RPS6KA2: variants seen among roughly 807,000 people sequenced by gnomAD.
RPS6KA2 encodes ribosomal protein S6 kinase A2, also known as ribosomal protein S6 kinase alpha-2.
A neutral mutation model predicts 91.8 loss-of-function variants in RPS6KA2; 42 were observed. That is an observed-to-expected ratio of 0.46 (90% CI 0.36 to 0.59). The LOEUF (loss-of-function observed/expected upper bound fraction) is 0.59. Among genes scored for constraint, RPS6KA2 ranks in the 20% least tolerant of loss-of-function variants. RPS6KA2 has a pLI of 0.00. For synonymous variants in RPS6KA2, 414 were observed against 393.6 expected, an observed-to-expected ratio of 1.05 and a Z score of -0.61; for missense variants, 798 against 978.5, an observed-to-expected ratio of 0.82 and a Z score of 2.46.
rs776635505 is a variant in RPS6KA2 at position 166,498,516 on chromosome 6, C to T, written c.739G>A (p.Val247Met). ...GGTCGGGGCAGGCTCACCATGAGCA[C>T]GCCGAAGGACCACCAGTCGGCACTC... is the stretch of plus-strand genomic sequence containing the variant. ...TQSADWWSFG[V>M]LMFEMLTGSL... is the part of the protein sequence containing the mutation. The change falls in exon 8 of 21, where the codon GTG becomes ATG. Residue 247 changes from valine to methionine, a missense_variant. Physicochemically the swap from Val to Met is conservative, Grantham distance 21 (BLOSUM62 1). Transcript: ENST00000265678. The T allele has an allele frequency of 5.6e-6, 9 of 1,609,860 alleles. No individual in the cohort carries two copies. Among genetic ancestry groups the T allele is most frequent in the East Asian group, 4.5e-5 (2 of 44,816 alleles).
chr6:166,745,694 G>GC (rs141608476), intron 2 of RPS6KA2, among the ~76,000 whole-genome samples: 4,249 of 152,286 alleles, frequency 0.028, 194 homozygotes, highest in African/African-American at 0.098. Context: ...TGACAACAGT[G>GC]CCTGGGCGCT....
chr6:166,703,198 G>A (rs117037637), intron 2 of RPS6KA2, among the ~76,000 whole-genome samples: 4,560 of 152,244 alleles, frequency 0.03, 90 homozygotes, highest in Admixed American at 0.038. Context: ...TATTAGCTGC[G>A]GAATGCTTAT....
chr6:166,840,613 T>C (rs9348191), intron 2 of RPS6KA2, among the ~76,000 whole-genome samples: 83,855 of 152,032 alleles, frequency 0.55, 24,681 homozygotes, highest in Middle Eastern at 0.73. Context: ...TGCCAGTGAG[T>C]TGTGTCCTGA....
chr6:166,686,741 G>A (rs1293678441), intron 2 of RPS6KA2, among the ~76,000 whole-genome samples: 4 of 152,192 alleles, frequency 2.6e-5, no homozygotes, highest in Admixed American at 2.6e-4. Context: ...TTTTAACTGT[G>A]CTATGTTTTG....
intron 1 of RPS6KA2, among the ~76,000 whole-genome samples, chr6:166,571,117 G>T (rs761024696): frequency 2.6e-5 from 4 of 152,330 alleles, no homozygotes; most frequent in Non-Finnish European, 4.4e-5. Flanking sequence ...GACCGATGAG[G>T]CCGGCCCCGC....
At chr6:166,538,526 A>T (rs567070691) in intron 2 of RPS6KA2, 142 bp downstream of exon 2, 79 of 519,556 alleles carry the variant, frequency 1.5e-4, no homozygotes, top group African/African-American at 1.4e-3. Context: ...GCAAAGTGAG[A>T]CCCCGGTTCT....
chr6:166,710,752 A>G (rs184848685), intron 2 of RPS6KA2, among the ~76,000 whole-genome samples: 1 of 152,306 alleles, frequency 6.6e-6, no homozygotes, highest in Non-Finnish European at 1.5e-5. Flanking sequence ...AAGTCAGGAT[A>G]GCTAAGGGCC....
At chr6:166,681,817 C>T (rs1481349504) in intron 2 of RPS6KA2, among the ~76,000 whole-genome samples, 1 of 151,716 alleles carries the variant, frequency 6.6e-6, no homozygotes, top group East Asian at 1.9e-4. Context: ...GCAGCAGGTG[C>T]CTAGAATGTT....
At chr6:166,613,463 C>A (rs938280051) in intron 1 of RPS6KA2, among the ~76,000 whole-genome samples, 1 of 152,246 alleles carries the variant, frequency 6.6e-6, no homozygotes, top group Non-Finnish European at 1.5e-5. Flanking sequence ...TCTGACCTGC[C>A]TCACTAACCC....
intron 1 of RPS6KA2, among the ~76,000 whole-genome samples, chr6:166,613,947 T>C (rs1216527353): frequency 1.3e-5 from 2 of 152,142 alleles, no homozygotes; most frequent in Non-Finnish European, 2.9e-5. Flanking sequence ...AGCTTTGGGC[T>C]CTCACAGCCC....
chr6:166,610,326 C>G (rs547169415), intron 1 of RPS6KA2, among the ~76,000 whole-genome samples: 2 of 152,258 alleles, frequency 1.3e-5, no homozygotes, highest in East Asian at 3.9e-4. Flanking sequence ...GATAATCCCA[C>G]CAACATAGGC....
At chr6:166,430,202 T>A (rs1779073373) in intron 16 of RPS6KA2, among the ~76,000 whole-genome samples, 1 of 151,824 alleles carries the variant, frequency 6.6e-6, no homozygotes, top group South Asian at 2.1e-4. Context: ...ACTCCTGACC[T>A]CGTGATCTGC....
chr6:166,705,416 A>G (rs1474420030), intron 2 of RPS6KA2, among the ~76,000 whole-genome samples: 7 of 152,192 alleles, frequency 4.6e-5, no homozygotes. Flanking sequence ...TGAGCAGATC[A>G]CCACCCTCCG....
chr6:166,775,612 C>T (rs77260413), intron 2 of RPS6KA2, among the ~76,000 whole-genome samples: 1 of 152,250 alleles, frequency 6.6e-6, no homozygotes. Context: ...TCTCCCCACA[C>T]CTGCCAGCTT....
chr6:166,753,805 A>G (rs1042960399), intron 2 of RPS6KA2, among the ~76,000 whole-genome samples: 3 of 152,214 alleles, frequency 2.0e-5, no homozygotes, highest in Non-Finnish European at 2.9e-5. Context: ...GTTGCCCATG[A>G]GCTATCACGG....
intron 1 of RPS6KA2, among the ~76,000 whole-genome samples, chr6:166,564,378 C>A (rs889070236): frequency 6.6e-6 from 1 of 152,202 alleles, no homozygotes; most frequent in African/African-American, 2.4e-5. Context: ...CCCCACCAGT[C>A]TCTGGGGCAG....
rs952746579 is a variant in RPS6KA2, at chr6:166,410,139, A to G, written c.*2623T>C. On this transcript the variant is annotated 3_prime_UTR_variant, in exon 21 of 21. Transcript: ENST00000265678. ...TCAGGAAGCCTGAGATCTAGGGTTC[A>G]ATGTGTTTATAAGTTCTGTGATTTT... 4.1e-5 allele frequency: 6 copies of G among 146,020 alleles called. No individual in the cohort carries two copies. The highest frequency in any genetic ancestry group is 1.5e-4 in the African/African-American group (6 of 39,720). 9.0% of individuals were successfully genotyped at this position (146,020 alleles called of 1,614,324 possible). A position where few individuals can be genotyped will look rare whatever the true frequency, so the allele number is the denominator to read the frequency against.
chr6:166,838,443 T>C (rs1210331349), intron 2 of RPS6KA2, among the ~76,000 whole-genome samples: 2 of 152,186 alleles, frequency 1.3e-5, no homozygotes, highest in Non-Finnish European at 2.9e-5. Context: ...TTATGGTTTA[T>C]ATACATCACC....
intron 2 of RPS6KA2, among the ~76,000 whole-genome samples, chr6:166,840,807 CAA>C (rs928270476): frequency 6.6e-6 from 1 of 151,942 alleles, no homozygotes; most frequent in East Asian, 1.9e-4. Context: ...ACTAAAAATA[CAA>C]AAAATTAGCC....
Sources: allele counts gnomAD v4.1 joint callset (sites outside exome capture counted in the v4.1 genomes callset), GRCh38; gene constraint gnomAD v4.1.1; transcripts MANE v1.5; gene names NCBI Gene and HGNC (gene_info 2026-07-23, HGNC 2026-07-21).